TENM1: variants seen among roughly 807,000 people sequenced by gnomAD.
The protein encoded by TENM1 is teneurin transmembrane protein 1, also known as teneurin-1.
Under a neutral mutation model 174.8 loss-of-function variants are expected in TENM1, and 35 were observed. That is an observed-to-expected ratio of 0.20 (90% CI 0.15 to 0.27). The LOEUF is 0.27. TENM1 is among the 10% of genes least tolerant of loss of function. The probability of loss-of-function intolerance (pLI) is 1.00; values close to 1 mark genes in which losing one functional copy is unlikely to be tolerated. For synonymous variants in TENM1, 781 were observed against 798.7 expected, an observed-to-expected ratio of 0.98 and a Z score of 0.37; for missense variants, 1,633 against 2,130.1, an observed-to-expected ratio of 0.77 and a Z score of 4.59.
intron 18 of TENM1, among the ~76,000 whole-genome samples, chrX:124,517,939 G>A (rs1365014903): frequency 4.5e-5 from 5 of 111,575 alleles, no homozygotes; most frequent in Non-Finnish European, 9.4e-5. Flanking sequence ...ATGGAGAAGA[G>A]AATTAGAGGC....
At chrX:124,861,864 A>G (rs1279941685) in intron 3 of TENM1, among the ~76,000 whole-genome samples, 2 of 111,961 alleles carry the variant, frequency 1.8e-5, no homozygotes, top group African/African-American at 6.5e-5. Flanking sequence ...TCCTTGTCTT[A>G]AAATGAACTA....
the TENM1 span, among the ~76,000 whole-genome samples, chrX:125,044,202 T>TAAAAAAAAAAAAAAAAA: frequency 1.8e-5 from 1 of 55,824 alleles, no homozygotes; most frequent in Non-Finnish European, 3.2e-5. Flanking sequence ...AGATTAAAAA[T>TAAAAAAAAAAAAAAAAA]AAAAAAAAAT....
At chrX:124,800,858 C>T (rs1452074511) in intron 3 of TENM1, among the ~76,000 whole-genome samples, 1 of 111,967 alleles carries the variant, frequency 8.9e-6, no homozygotes, top group African/African-American at 3.2e-5. Context: ...TCATTATTTA[C>T]CCAGTAGTCA....
chrX:124,937,109 G>A (rs1209723469), intron 1 of TENM1, among the ~76,000 whole-genome samples: 1 of 109,028 alleles, frequency 9.2e-6, no homozygotes, highest in Admixed American at 9.8e-5. Context: ...TCTTTCAGCC[G>A]TAAATAAATA....
At chrX:124,916,549 G>A (rs1356009354) in intron 1 of TENM1, among the ~76,000 whole-genome samples, 2 of 111,444 alleles carry the variant, frequency 1.8e-5, no homozygotes, top group Non-Finnish European at 3.8e-5. Flanking sequence ...CTGGATTAAA[G>A]TAATCTTCCT....
At chrX:124,908,362 C>T (rs2147627815) in intron 1 of TENM1, among the ~76,000 whole-genome samples, 1 of 110,650 alleles carries the variant, frequency 9.0e-6, no homozygotes, top group African/African-American at 3.3e-5. Flanking sequence ...ATGACGTTCC[C>T]CTCCCTGTGT....
rs577030696 is a variant in TENM1, at chrX:124,545,174, C to T, written c.2651+1700G>A. ...AGACCCCTGGATGAAGGAGACCCAT[C>T]GTTCTGAATTTAAATGTGACTTGCA... On this transcript the variant is annotated intron_variant, in intron 15 of 31. Coordinates refer to ENST00000422452, the Ensembl canonical transcript of TENM1. Among the ~76,000 whole-genome samples, 24 of 111,903 alleles carry T rather than the reference C, an allele frequency of 2.1e-4. No homozygotes were observed. The South Asian group carries it at 8.7e-3, about 41-fold the overall frequency.
the TENM1 span, among the ~76,000 whole-genome samples, chrX:125,199,230 G>A: frequency 8.9e-6 from 1 of 111,836 alleles, no homozygotes; most frequent in African/African-American, 3.2e-5. Flanking sequence ...ACCCCAAACA[G>A]TTGGATGGTT....
chrX:124,754,374 C>G (rs190923259), intron 3 of TENM1, among the ~76,000 whole-genome samples: 32 of 111,694 alleles, frequency 2.9e-4, no homozygotes, highest in Non-Finnish European at 4.3e-4. Flanking sequence ...TGATTCTTCT[C>G]TCTTTTCTTC....
chrX:124,387,479 C>A (rs900199774), intron 28 of TENM1, among the ~76,000 whole-genome samples: 1 of 111,660 alleles, frequency 9.0e-6, no homozygotes, highest in Admixed American at 9.5e-5. Context: ...CCTTTTCAAG[C>A]AAAGAGATTT....
intron 19 of TENM1, among the ~76,000 whole-genome samples, chrX:124,501,415 G>A (rs915289127): frequency 1.7e-4 from 19 of 111,864 alleles, no homozygotes; most frequent in Non-Finnish European, 3.8e-5. Context: ...CAAATGGTCT[G>A]AAAACACTGC....
chrX:124,888,108 C>G (rs2057418228), intron 3 of TENM1, among the ~76,000 whole-genome samples: 1 of 111,506 alleles, frequency 9.0e-6, no homozygotes, highest in African/African-American at 3.3e-5. Context: ...CCATTTTTTT[C>G]ACAACTCCAG....
chrX:125,088,742 A>G, the TENM1 span, among the ~76,000 whole-genome samples: 1 of 110,762 alleles, frequency 9.0e-6, no homozygotes, highest in Non-Finnish European at 1.9e-5. Flanking sequence ...TCAATGTGAG[A>G]TACAATGTAC....
the TENM1 span, among the ~76,000 whole-genome samples, chrX:125,181,202 C>T: frequency 4.5e-5 from 5 of 111,909 alleles, no homozygotes; most frequent in African/African-American, 6.5e-5. Flanking sequence ...TTATTATTCT[C>T]ATCTTAGAGG....
At chrX:124,595,755 AT>A (rs2049876559) in intron 11 of TENM1, among the ~76,000 whole-genome samples, 2 of 111,400 alleles carry the variant, frequency 1.8e-5, no homozygotes, top group African/African-American at 6.5e-5. Flanking sequence ...TATAAAATAA[AT>A]CATCTTTATC....
intron 1 of TENM1, among the ~76,000 whole-genome samples, chrX:124,962,780 T>C (rs1191067374): frequency 9.0e-6 from 1 of 110,785 alleles, no homozygotes; most frequent in East Asian, 2.8e-4. Context: ...ATTGCGCCAC[T>C]GCACTCCAGA....
chrX:124,404,945 C>G, intron 27 of TENM1, 86 bp downstream of exon 30: 6 of 842,295 alleles, frequency 7.1e-6, no homozygotes, highest in Non-Finnish European at 1.0e-5. Context: ...TAGGGAGGCT[C>G]TGCAGTTAAA....
chrX:124,763,844 T>C lies in TENM1; in HGVS notation c.536-26647A>G, dbSNP rs373290324. On this transcript the variant is annotated intron_variant, in intron 3 of 31. Coordinates refer to ENST00000422452, the Ensembl canonical transcript of TENM1. ...TCCAAAGAAGCAAAATATACCTTTC[T>C]ATCCCAGAACAGACTAGACTTTGTT... 4.5e-5 allele frequency among the ~76,000 whole-genome samples: 5 copies of C among 112,120 alleles called. No homozygotes were observed. In the East Asian group the frequency reaches 1.4e-3, roughly 31 times the overall value.
chrX:125,094,558 TCTGA>T, the TENM1 span, among the ~76,000 whole-genome samples: 1 of 112,159 alleles, frequency 8.9e-6, no homozygotes, highest in African/African-American at 3.2e-5. Flanking sequence ...TTGTTTGTTT[TCTGA>T]CTGACTGTCT....
Sources: gnomAD v4.1 joint callset for allele counts (sites outside exome capture counted in the v4.1 genomes callset) on GRCh38, gnomAD v4.1.1 for gene constraint, MANE v1.5 for transcripts, NCBI Gene and HGNC (gene_info 2026-07-23, HGNC 2026-07-21) for gene names.